The following YAP1 variants were observed in gnomAD, a reference collection of about 807,000 sequenced individuals.
YAP1 encodes the protein transcriptional coactivator YAP1.
In YAP1, 5 loss-of-function variants were observed where a neutral mutation model predicts 56.9. The ratio of observed to expected loss-of-function variants is 0.09; its 90% CI spans 0.05 to 0.18. The LOEUF (loss-of-function observed/expected upper bound fraction) is 0.18. Ranked by LOEUF, YAP1 falls within the 10% of genes least tolerant of loss-of-function variation. The probability of loss-of-function intolerance (pLI) is 1.00; values close to 1 mark genes in which losing one functional copy is unlikely to be tolerated. For missense variants in YAP1, 539 were observed against 651.8 expected, an observed-to-expected ratio of 0.83 and a Z score of 1.88; for synonymous variants, 265 against 248.1, an observed-to-expected ratio of 1.07 and a Z score of -0.64.
intron 2 of YAP1, among the ~76,000 whole-genome samples, chr11:102,148,316 G>T (rs1945435207): frequency 6.6e-6 from 1 of 152,278 alleles, no homozygotes; most frequent in South Asian, 2.1e-4. Context: ...AAGATCATTG[G>T]TTTGAAAGCT....
chr11:102,151,340 A>T (rs1269431287), intron 2 of YAP1, among the ~76,000 whole-genome samples: 1 of 152,052 alleles, frequency 6.6e-6, no homozygotes, highest in African/African-American at 2.4e-5. Flanking sequence ...AATTTAGCCC[A>T]TGGTTTCCCC....
chr11:102,203,781 C>G (rs997796093), intron 4 of YAP1, among the ~76,000 whole-genome samples: 1 of 151,996 alleles, frequency 6.6e-6, no homozygotes, highest in Non-Finnish European at 1.5e-5. Context: ...TGGAATAGAA[C>G]AGTCATGAAT....
Position 102,162,619 on chromosome 11 carries a change from TG to T in YAP1, c.688+50del, listed in dbSNP as rs1206504362. ...AGCACATGGAGTAATGCTTACGCAT[TG>T]GTAAAAGTTGATGTGGAAAATAGTC... On this transcript the variant is annotated intron_variant, in intron 3 of 8. Transcript: ENST00000282441. 2.6e-6 allele frequency: 4 copies of T among 1,559,578 alleles called. No homozygotes were observed. In the East Asian group the frequency reaches 9.0e-5, roughly 35 times the overall value.
chr11:102,138,688 G>A lies in YAP1; in HGVS notation c.573-23768G>A, dbSNP rs1222762572. Among the ~76,000 whole-genome samples the A allele has an allele frequency of 6.6e-5, 10 of 152,192 alleles. No individual in the cohort carries two copies. In the East Asian group the frequency reaches 1.9e-3, roughly 29 times the overall value. On this transcript the variant is annotated intron_variant, in intron 2 of 8. Transcript: ENST00000282441. ...CCTGAGTTCAATTAAGTTGAGAAAA[G>A]TGTTCATTGTTATTACTGATGGATT...
chr11:102,226,196 T>C (rs2135713904), intron 7 of YAP1, among the ~76,000 whole-genome samples: 1 of 152,308 alleles, frequency 6.6e-6, no homozygotes. Context: ...CCTTCTCATA[T>C]ATGGCTGCAT....
chr11:102,226,485 A>C (rs1330644396), intron 7 of YAP1, among the ~76,000 whole-genome samples: 2 of 152,204 alleles, frequency 1.3e-5, no homozygotes. Context: ...GCCGTAGAGA[A>C]AGTTGAAGTT....
chr11:102,172,300 ATTTTTT>A (rs752185861), intron 3 of YAP1, among the ~76,000 whole-genome samples: 3 of 110,820 alleles, frequency 2.7e-5, no homozygotes, highest in Admixed American at 9.0e-5. Flanking sequence ...ACAGTGAAGA[ATTTTTT>A]TTTTTTTTTT....
chr11:102,208,365 T>G (rs1236365989), intron 5 of YAP1, among the ~76,000 whole-genome samples: 1 of 152,198 alleles, frequency 6.6e-6, no homozygotes, highest in Admixed American at 6.5e-5. Context: ...TTAAATAAAT[T>G]TGTTTGCCAT....
rs186795204 is a variant in YAP1, at chr11:102,124,172, C to T, written c.572+9778C>T. 3.2e-3 allele frequency among the ~76,000 whole-genome samples: 482 copies of T among 151,950 alleles called. 1 individual carries two copies. Among genetic ancestry groups the T allele is most frequent in the Non-Finnish European group, 4.4e-3 (301 of 67,956 alleles). The stretch of plus-strand genomic sequence containing the variant: ...TTCACCATGTTGGCCAGGTTGGTCT[C>T]GAACTCCTGACCTCAAGTGATCTGC... On this transcript the variant is annotated intron_variant, in intron 2 of 8. Coordinates refer to ENST00000282441, the MANE Select transcript of YAP1 (RefSeq NM_001130145.3).
At chr11:102,149,603 C>T (rs149386925) in intron 2 of YAP1, among the ~76,000 whole-genome samples, 2 of 152,174 alleles carry the variant, frequency 1.3e-5, no homozygotes, top group African/African-American at 4.8e-5. Context: ...AATGATTGGC[C>T]AAACTTGTTA....
At chr11:102,155,156 T>C (rs1945868982) in intron 2 of YAP1, among the ~76,000 whole-genome samples, 2 of 152,120 alleles carry the variant, frequency 1.3e-5, no homozygotes, top group Non-Finnish European at 2.9e-5. Context: ...TCCTGCCCTC[T>C]TTTCTGATTG....
At chr11:102,211,782 C>T (rs1026114253) in intron 6 of YAP1, among the ~76,000 whole-genome samples, 13 of 151,988 alleles carry the variant, frequency 8.6e-5, no homozygotes, top group African/African-American at 3.1e-4. Context: ...CAGCTCACTG[C>T]AACCTCCACC....
intron 2 of YAP1, among the ~76,000 whole-genome samples, chr11:102,119,001 G>A (rs140085503): frequency 2.2e-4 from 34 of 152,060 alleles, no homozygotes; most frequent in African/African-American, 7.9e-4. Context: ...ACGTGCACAT[G>A]TATACACAAA....
intron 2 of YAP1, among the ~76,000 whole-genome samples, chr11:102,128,129 A>G (rs1035228641): frequency 2.0e-5 from 3 of 152,112 alleles, no homozygotes; most frequent in African/African-American, 7.2e-5. Flanking sequence ...TGAAATGAGT[A>G]AGACTTTGGG....
chr11:102,185,912 G>T, intron 3 of YAP1, 106 bp from the exon 4 acceptor site: 1 of 1,133,904 alleles, frequency 8.8e-7, no homozygotes, highest in Non-Finnish European at 1.2e-6. Context: ...TCAATGAATT[G>T]TTTTATGTTA....
At chr11:102,132,412 T>G (rs1456532966) in intron 2 of YAP1, among the ~76,000 whole-genome samples, 1 of 152,258 alleles carries the variant, frequency 6.6e-6, no homozygotes, top group African/African-American at 2.4e-5. Flanking sequence ...ATTCTGACTT[T>G]GGGTATTTTT....
intron 2 of YAP1, among the ~76,000 whole-genome samples, chr11:102,121,867 T>G (rs921567737): frequency 2.0e-5 from 3 of 152,178 alleles, no homozygotes; most frequent in African/African-American, 7.2e-5. Flanking sequence ...GCATGATCAC[T>G]GCTCACAGCA....
intron 3 of YAP1, among the ~76,000 whole-genome samples, chr11:102,185,359 A>G (rs958078289): frequency 2.0e-5 from 3 of 152,164 alleles, no homozygotes; most frequent in African/African-American, 4.8e-5. Flanking sequence ...TTGCCTTCCA[A>G]CAACTTTAGC....
intron 2 of YAP1, among the ~76,000 whole-genome samples, chr11:102,143,471 A>G (rs1369158996): frequency 6.6e-6 from 1 of 152,224 alleles, no homozygotes; most frequent in East Asian, 1.9e-4. Flanking sequence ...AAGCCATGAG[A>G]TGGGTAGACC....
Sources: gnomAD v4.1 joint callset for allele counts (sites outside exome capture counted in the v4.1 genomes callset) on GRCh38, gnomAD v4.1.1 for gene constraint, MANE v1.5 for transcripts, NCBI Gene and HGNC (gene_info 2026-07-23, HGNC 2026-07-21) for gene names.